MTUS2: variants seen among roughly 807,000 people sequenced by gnomAD.
MTUS2 encodes microtubule-associated tumor suppressor candidate 2.
A neutral mutation model predicts 114.1 loss-of-function variants in MTUS2; 40 were observed. The observed-to-expected ratio is 0.35, with a 90% CI of 0.27 to 0.46. The LOEUF (loss-of-function observed/expected upper bound fraction) is 0.46. MTUS2 is among the 20% of genes least tolerant of loss of function. MTUS2 has a pLI of 1.00. For synonymous variants in MTUS2, 688 were observed against 672.0 expected, an observed-to-expected ratio of 1.02 and a Z score of -0.37; for missense variants, 1,679 against 1,705.4, an observed-to-expected ratio of 0.98 and a Z score of 0.27.
chr13:29,292,050 C>T (rs1898739224), intron 6 of MTUS2, among the ~76,000 whole-genome samples: 1 of 152,116 alleles, frequency 6.6e-6, no homozygotes, highest in South Asian at 2.1e-4. Context: ...GTTATCAAGC[C>T]AATTAAAAAG....
At chr13:29,067,049 T>C (rs901005954) in intron 4 of MTUS2, among the ~76,000 whole-genome samples, 2 of 152,094 alleles carry the variant, frequency 1.3e-5, no homozygotes, top group African/African-American at 4.8e-5. Flanking sequence ...TGGGGTATGT[T>C]TTATAGGATT....
Position 29,203,198 on chromosome 13 carries a change from AG to A in MTUS2, c.2645-78505del, listed in dbSNP as rs1241172708. 3.3e-5 allele frequency among the ~76,000 whole-genome samples: 5 copies of A among 152,156 alleles called. No individual in the cohort carries two copies. The East Asian group carries it at 9.7e-4, about 29-fold the overall frequency. ...ACTGTGGCTGCTGCCTTTCTTTCAG[AG>A]ATGCCCTGCCCAGAGAGGAGGAATC... is the stretch of plus-strand genomic sequence containing the variant. On this transcript the variant is annotated intron_variant, in intron 5 of 15. Coordinates refer to ENST00000612955, the MANE Select transcript of MTUS2 (RefSeq NM_001033602.4).
intron 4 of MTUS2, among the ~76,000 whole-genome samples, chr13:29,068,572 C>A (rs1565990790): frequency 6.6e-6 from 1 of 152,160 alleles, no homozygotes; most frequent in Admixed American, 6.5e-5. Flanking sequence ...AATTATGATA[C>A]CATGTAATTG....
intron 5 of MTUS2, among the ~76,000 whole-genome samples, chr13:29,224,413 G>A (rs1049393891): frequency 6.6e-6 from 1 of 151,384 alleles, no homozygotes; most frequent in Non-Finnish European, 1.5e-5. Context: ...TTTTTTTAAT[G>A]TCTTTTTTTT....
chr13:28,982,616 A>G (rs964923430), intron 2 of MTUS2, among the ~76,000 whole-genome samples: 17 of 152,184 alleles, frequency 1.1e-4, no homozygotes, highest in Admixed American at 7.9e-4. Context: ...GATAGAAGCA[A>G]CCTAACTGCC....
intron 7 of MTUS2, among the ~76,000 whole-genome samples, chr13:29,348,544 T>C (rs1868939959): frequency 6.6e-6 from 1 of 152,220 alleles, no homozygotes; most frequent in South Asian, 2.1e-4. Flanking sequence ...GCTGTTGTTA[T>C]GTGGAATGTT....
At position 29,487,091 on chromosome 13, in the gene MTUS2, C is replaced by G. The variant is rs1466602880; in HGVS notation, c.3400-809C>G. ...TAAACTGCTAGACGTGTTCCTGCAG[C>G]TGGGAGGCAGCAGCCCTTCCCAGGA... is the stretch of plus-strand genomic sequence containing the variant. On this transcript the variant is annotated intron_variant, in intron 10 of 15. Transcript: ENST00000612955. Among the ~76,000 whole-genome samples the G allele has an allele frequency of 2.0e-5, 3 of 152,346 alleles. No homozygotes were observed. In the East Asian group the frequency reaches 5.8e-4, roughly 29 times the overall value.
At chr13:29,232,428 C>G (rs1348439684) in intron 5 of MTUS2, among the ~76,000 whole-genome samples, 1 of 151,986 alleles carries the variant, frequency 6.6e-6, no homozygotes, top group Non-Finnish European at 1.5e-5. Context: ...AATGTGAGAG[C>G]TGGATGGAAC....
chr13:28,877,852 G>C (rs1878038833), intron 2 of MTUS2, among the ~76,000 whole-genome samples: 1 of 152,160 alleles, frequency 6.6e-6, no homozygotes, highest in South Asian at 2.1e-4. Context: ...TTAGCATCTG[G>C]ATTCCTTAGC....
At chr13:29,014,539 C>T (rs1042064889) in intron 2 of MTUS2, among the ~76,000 whole-genome samples, 1 of 152,132 alleles carries the variant, frequency 6.6e-6, no homozygotes, top group Non-Finnish European at 1.5e-5. Flanking sequence ...GACAATGAAC[C>T]AATAAACAAA....
chr13:29,440,595 G>C lies in MTUS2; in HGVS notation c.3184+546G>C, dbSNP rs757320159. ...AAACCCTGGGGATGTGGCTTTCACC[G>C]TAGGTCAAGGACAGGACCAGGTATT... On this transcript the variant is annotated intron_variant, in intron 9 of 15. Transcript: ENST00000612955. 8.5e-5 allele frequency among the ~76,000 whole-genome samples: 13 copies of C among 152,204 alleles called. 1 individual carries two copies. Among genetic ancestry groups the C allele is most frequent in the African/African-American group, 3.1e-4 (13 of 41,526 alleles).
In MTUS2 at chr13:29,093,553, T is replaced by C. The variant is rs540168718; in HGVS notation, c.2447-7220T>C. On this transcript the variant is annotated intron_variant, in intron 4 of 15. Coordinates refer to ENST00000612955, the MANE Select transcript of MTUS2 (RefSeq NM_001033602.4). The stretch of plus-strand genomic sequence containing the variant: ...AAATTGTTATCTTAATTTTATTTTT[T>C]GATGATTTATTGTGAATGTGTAGAA... 4.9e-4 allele frequency among the ~76,000 whole-genome samples: 75 copies of C among 152,380 alleles called. No individual in the cohort carries two copies. The Middle Eastern group carries it at 0.01, about 21-fold the overall frequency.
At chr13:28,899,461 G>A (rs190568305) in intron 2 of MTUS2, among the ~76,000 whole-genome samples, 79 of 152,280 alleles carry the variant, frequency 5.2e-4, no homozygotes, top group African/African-American at 1.9e-3. Context: ...CCAGGCTGGA[G>A]TGCAGTGGCG....
At chr13:29,016,748 A>G (rs981686850) in intron 2 of MTUS2, among the ~76,000 whole-genome samples, 4 of 152,214 alleles carry the variant, frequency 2.6e-5, no homozygotes, top group African/African-American at 9.6e-5. Flanking sequence ...ATAAAATGCG[A>G]TATGCTACCC....
At chr13:29,089,079 A>G (rs761101380) in intron 4 of MTUS2, among the ~76,000 whole-genome samples, 2 of 152,226 alleles carry the variant, frequency 1.3e-5, no homozygotes, top group Non-Finnish European at 2.9e-5. Context: ...ATGTTTTTGC[A>G]ATAGCAGGTA....
At chr13:29,202,415 T>C (rs1277924302) in intron 5 of MTUS2, among the ~76,000 whole-genome samples, 1 of 152,202 alleles carries the variant, frequency 6.6e-6, no homozygotes, top group African/African-American at 2.4e-5. Context: ...CTCACCTTTT[T>C]TCAAGGTTCT....
intron 8 of MTUS2, among the ~76,000 whole-genome samples, chr13:29,367,600 G>A (rs982665554): frequency 6.6e-6 from 1 of 151,990 alleles, no homozygotes; most frequent in Non-Finnish European, 1.5e-5. Flanking sequence ...GAGGTGAGAA[G>A]GGTCAGGGGG....
intron 5 of MTUS2, among the ~76,000 whole-genome samples, chr13:29,164,670 G>A (rs934761755): frequency 1.3e-5 from 2 of 152,128 alleles, no homozygotes; most frequent in Non-Finnish European, 2.9e-5. Flanking sequence ...AATGACTGAA[G>A]ATAAGATCCT....
intron 11 of MTUS2, among the ~76,000 whole-genome samples, chr13:29,491,044 TGTGTGTG>T (rs1882030965): frequency 1.4e-5 from 2 of 143,150 alleles, no homozygotes; most frequent in African/African-American, 5.1e-5. Context: ...TTTGTGTGTG[TGTGTGTG>T]GTGGGAGGCA....
Sources: allele counts gnomAD v4.1 joint callset (sites outside exome capture counted in the v4.1 genomes callset), GRCh38; gene constraint gnomAD v4.1.1; transcripts MANE v1.5; gene names NCBI Gene and HGNC (gene_info 2026-07-23, HGNC 2026-07-21).